Variants in PCSK2 observed in about 807,000 individuals in gnomAD.
PCSK2 encodes proprotein convertase subtilisin/kexin type 2.
A neutral mutation model predicts 69.7 loss-of-function variants in PCSK2; 14 were observed. The ratio of observed to expected loss-of-function variants is 0.20; its 90% confidence interval spans 0.13 to 0.31. The LOEUF (loss-of-function observed/expected upper bound fraction) is 0.31. Among genes scored for constraint, PCSK2 ranks in the 10% least tolerant of loss-of-function variants. The pLI, the probability that PCSK2 is intolerant of heterozygous loss-of-function variation, is 1.00. For missense variants in PCSK2, 544 were observed against 842.5 expected (o/e 0.65, Z 4.39); for synonymous variants, 307 against 320.7 (o/e 0.96, Z 0.46).
intron 6 of PCSK2, among the ~76,000 whole-genome samples, chr20:17,412,862 G>C (rs571677465): frequency 1.3e-5 from 2 of 152,216 alleles, no homozygotes; most frequent in African/African-American, 4.8e-5. Context: ...CCAGAGGAGA[G>C]TGGGGACCAA....
chr20:17,480,353 C>A (rs2033377876), intron 11 of PCSK2, among the ~76,000 whole-genome samples: 1 of 151,932 alleles, frequency 6.6e-6, no homozygotes, highest in Non-Finnish European at 1.5e-5. Context: ...CCAAGCCCGG[C>A]TAATTTTTCG....
intron 1 of PCSK2, among the ~76,000 whole-genome samples, chr20:17,258,281 G>A (rs1987251926): frequency 6.6e-6 from 1 of 152,214 alleles, no homozygotes; most frequent in Non-Finnish European, 1.5e-5. Context: ...CATTATCACT[G>A]AGATTCAACT....
intron 2 of PCSK2, among the ~76,000 whole-genome samples, chr20:17,283,241 T>C (rs1441193212): frequency 6.6e-6 from 1 of 152,138 alleles, no homozygotes; most frequent in Non-Finnish European, 1.5e-5. Flanking sequence ...AGTAGGTAGA[T>C]AAATGAATAG....
At chr20:17,356,697 C>T (rs2030208700) in intron 2 of PCSK2, among the ~76,000 whole-genome samples, 1 of 152,170 alleles carries the variant, frequency 6.6e-6, no homozygotes, top group Non-Finnish European at 1.5e-5. Context: ...ATATCGGGGG[C>T]TCACAATCAA....
chr20:17,412,835 A>T (rs1419346767), intron 6 of PCSK2, among the ~76,000 whole-genome samples: 1 of 152,232 alleles, frequency 6.6e-6, no homozygotes, highest in Non-Finnish European at 1.5e-5. Context: ...CAGATCTCTC[A>T]GCAGAAACCC....
intron 9 of PCSK2, among the ~76,000 whole-genome samples, chr20:17,455,338 A>G (rs2032900306): frequency 2.0e-5 from 3 of 152,184 alleles, no homozygotes. Flanking sequence ...TCGTTTATAC[A>G]TGATTTTAAT....
rs547866004 is a variant in PCSK2 at position 17,241,268 on chromosome 20, G to A, written c.177+13786G>A. On this transcript the variant is annotated intron_variant, in intron 1 of 11. Coordinates refer to ENST00000262545, the MANE Select transcript of PCSK2 (RefSeq NM_002594.5). Reference sequence around the variant, plus strand: ...ACAGGATGTGCAATGAAATGGGCACGGTTTTTCGGAGGATTGCAAGTAGTT... The same window carrying A: ...ACAGGATGTGCAATGAAATGGGCACAGTTTTTCGGAGGATTGCAAGTAGTT... 3.9e-5 allele frequency among the ~76,000 whole-genome samples: 6 copies of A among 152,328 alleles called. No individual in the cohort carries two copies. The South Asian group carries it at 1.2e-3, about 32-fold the overall frequency.
chr20:17,263,630 A>G (rs1987479730), intron 2 of PCSK2, among the ~76,000 whole-genome samples: 1 of 152,204 alleles, frequency 6.6e-6, no homozygotes, highest in Non-Finnish European at 1.5e-5. Flanking sequence ...TAAAAGTACT[A>G]TATAGTCTTC....
chr20:17,233,569 G>A (rs757199337), intron 1 of PCSK2, among the ~76,000 whole-genome samples: 1 of 152,096 alleles, frequency 6.6e-6, no homozygotes, highest in Non-Finnish European at 1.5e-5. Flanking sequence ...AATTATACTG[G>A]ATTCCTCAGG....
chr20:17,408,854 C>A (rs1179327631), intron 5 of PCSK2, among the ~76,000 whole-genome samples: 1 of 152,208 alleles, frequency 6.6e-6, no homozygotes, highest in African/African-American at 2.4e-5. Context: ...CAAGGAAACT[C>A]TAGAGGCCAT....
chr20:17,470,639 C>T (rs1036521513), intron 11 of PCSK2, among the ~76,000 whole-genome samples: 3 of 152,174 alleles, frequency 2.0e-5, no homozygotes, highest in Admixed American at 6.5e-5. Context: ...ACTGGGATAG[C>T]ACTTTATTCC....
At chr20:17,411,758 C>G (rs1240251875) in intron 6 of PCSK2, among the ~76,000 whole-genome samples, 1 of 152,236 alleles carries the variant, frequency 6.6e-6, no homozygotes, top group African/African-American at 2.4e-5. Context: ...GAGACACCTC[C>G]CAGTAGGGGC....
chr20:17,265,955 G>A (rs1600426116), intron 2 of PCSK2, among the ~76,000 whole-genome samples: 2 of 152,160 alleles, frequency 1.3e-5, no homozygotes, highest in African/African-American at 2.4e-5. Flanking sequence ...CTCTCAATAC[G>A]AAGTCTGATT....
chr20:17,307,879 G>T (rs983652268), intron 2 of PCSK2, among the ~76,000 whole-genome samples: 3 of 152,178 alleles, frequency 2.0e-5, no homozygotes, highest in Non-Finnish European at 4.4e-5. Context: ...AGGTTTAATT[G>T]GCTCATGGTT....
At chr20:17,442,321 G>T (rs2032615127) in intron 8 of PCSK2, among the ~76,000 whole-genome samples, 1 of 151,972 alleles carries the variant, frequency 6.6e-6, no homozygotes, top group Non-Finnish European at 1.5e-5. Flanking sequence ...TTCTAGGCAA[G>T]AAATTTCTGT....
chr20:17,346,394 C>T (rs917617919), intron 2 of PCSK2, among the ~76,000 whole-genome samples: 1 of 152,150 alleles, frequency 6.6e-6, no homozygotes, highest in Non-Finnish European at 1.5e-5. Context: ...AGAGACTTCT[C>T]CTCGTCTCCC....
At chr20:17,302,791 C>G (rs554026766) in intron 2 of PCSK2, among the ~76,000 whole-genome samples, 1 of 152,118 alleles carries the variant, frequency 6.6e-6, no homozygotes, top group African/African-American at 2.4e-5. Flanking sequence ...GTACTGGTTA[C>G]GAATAGCATG....
At chr20:17,340,466 T>C (rs1482873624) in intron 2 of PCSK2, among the ~76,000 whole-genome samples, 1 of 152,220 alleles carries the variant, frequency 6.6e-6, no homozygotes, top group Non-Finnish European at 1.5e-5. Context: ...CAAACCAGAT[T>C]TAATTTGGGT....
chr20:17,334,028 A>G (rs6136071), intron 2 of PCSK2, among the ~76,000 whole-genome samples: 11,697 of 150,184 alleles, frequency 0.078, 528 homozygotes, highest in East Asian at 0.11. Context: ...CTGAAGAAGC[A>G]GAGACCCAGA....
Sources: gnomAD v4.1 joint callset for allele counts (sites outside exome capture counted in the v4.1 genomes callset) on GRCh38, gnomAD v4.1.1 for gene constraint, MANE v1.5 for transcripts, NCBI Gene and HGNC (gene_info 2026-07-23, HGNC 2026-07-21) for gene names.